Variants in SFXN5 observed in about 807,000 individuals in gnomAD.
SFXN5 encodes sideroflexin-5.
A neutral mutation model predicts 50.2 loss-of-function variants in SFXN5; 43 were observed. That is an observed-to-expected ratio of 0.86 (90% CI 0.67 to 1.11). SFXN5 has a LOEUF of 1.11. Among genes scored for constraint, SFXN5 ranks in the 50% least tolerant of loss-of-function variants. The probability of loss-of-function intolerance (pLI) is 0.00; values close to 1 mark genes in which losing one functional copy is unlikely to be tolerated. For synonymous variants in SFXN5, 203 were observed against 185.8 expected (o/e 1.09, Z -0.75); for missense variants, 463 against 454.1 (o/e 1.02, Z -0.18).
At chr2:72,963,947 C>T (rs1674068156) in intron 12 of SFXN5, among the ~76,000 whole-genome samples, 1 of 152,176 alleles carries the variant, frequency 6.6e-6, no homozygotes, top group Admixed American at 6.5e-5. Flanking sequence ...GGACTGCACC[C>T]CCCAGAGGCA....
chr2:72,998,577 G>C (rs530396783), intron 9 of SFXN5: 1 of 223,008 alleles, frequency 4.5e-6, no homozygotes, highest in Non-Finnish European at 8.8e-6. Flanking sequence ...CACATGGGCA[G>C]GCCTTGCAGA....
intron 1 of SFXN5, among the ~76,000 whole-genome samples, chr2:73,065,083 C>G (rs1249450198): frequency 6.6e-6 from 1 of 151,414 alleles, no homozygotes; most frequent in Non-Finnish European, 1.5e-5. Flanking sequence ...CACCACACCT[C>G]GCCAGAAGTT....
chr2:72,984,413 C>T (rs921628513), intron 10 of SFXN5, among the ~76,000 whole-genome samples: 4 of 152,260 alleles, frequency 2.6e-5, no homozygotes, highest in African/African-American at 7.2e-5. Flanking sequence ...GGGAGGACAC[C>T]GCGTAGCCTT....
chr2:72,979,495 A>C (rs1559114209), intron 10 of SFXN5, among the ~76,000 whole-genome samples: 1 of 151,934 alleles, frequency 6.6e-6, no homozygotes, highest in Non-Finnish European at 1.5e-5. Flanking sequence ...TTAGCCAGGC[A>C]TGGTGGCATG....
At chr2:73,007,791 C>T in intron 6 of SFXN5, among the ~76,000 whole-genome samples, 1 of 152,186 alleles carries the variant, frequency 6.6e-6, no homozygotes, top group Admixed American at 6.5e-5. Context: ...TCTACTGTGT[C>T]TCCATCTTCT....
intron 2 of SFXN5, among the ~76,000 whole-genome samples, chr2:73,052,682 A>G (rs994878146): frequency 5.9e-5 from 9 of 152,150 alleles, no homozygotes; most frequent in African/African-American, 2.2e-4. Flanking sequence ...AGGATAGCAA[A>G]TGCCTTCCAT....
chr2:72,967,035 T>G (rs1031575184), intron 12 of SFXN5, among the ~76,000 whole-genome samples: 1 of 152,206 alleles, frequency 6.6e-6, no homozygotes, highest in Admixed American at 6.5e-5. Context: ...TTGAAGAGAC[T>G]AAGCTTTGCA....
chr2:72,961,215 G>C lies in SFXN5; in HGVS notation c.861C>G (p.Leu287=), dbSNP rs754485181. Reference sequence around the variant, plus strand: ...GGCACACGAGGCTTTGCACAGGGAGGAGCAGCCGGGGGCGTGCCTGCAGGA... The same window carrying C: ...GGCACACGAGGCTTTGCACAGGGAGCAGCAGCCGGGGGCGTGCCTGCAGGA... The part of the protein sequence containing the change: ...TALLQARPRL[L]LPVQSLVCLA... The change falls in exon 13 of 14, where the codon CTC becomes CTG. Residue 287 remains leucine (L), a synonymous_variant. Transcript: ENST00000272433. The surrounding 1 kb of genome is among the most constrained non-coding windows in gnomAD (Gnocchi z 4.4). 1 of 1,545,500 alleles carries C rather than the reference G, an allele frequency of 6.5e-7. No homozygotes were observed. Among genetic ancestry groups the C allele is most frequent in the Non-Finnish European group, 8.7e-7 (1 of 1,152,518 alleles).
chr2:72,966,029 A>G (rs1415073257), intron 12 of SFXN5, among the ~76,000 whole-genome samples: 1 of 152,182 alleles, frequency 6.6e-6, no homozygotes, highest in Non-Finnish European at 1.5e-5. Flanking sequence ...GCAACACTTT[A>G]GCACAGTAAG....
chr2:73,034,298 G>C (rs1394471417), intron 3 of SFXN5, among the ~76,000 whole-genome samples: 1 of 152,252 alleles, frequency 6.6e-6, no homozygotes, highest in Non-Finnish European at 1.5e-5. Flanking sequence ...CTAGGAGTCA[G>C]GGTAAGACTA....
intron 3 of SFXN5, among the ~76,000 whole-genome samples, chr2:73,038,385 T>A (rs1310859869): frequency 6.6e-6 from 1 of 152,156 alleles, no homozygotes; most frequent in Non-Finnish European, 1.5e-5. Context: ...CTGTGGTGAG[T>A]CACTGAGTGT....
intron 2 of SFXN5, among the ~76,000 whole-genome samples, chr2:73,057,590 A>G (rs1308495420): frequency 2.6e-5 from 4 of 152,180 alleles, no homozygotes; most frequent in African/African-American, 7.2e-5. Flanking sequence ...AATTGATTAT[A>G]AAGAGGTATG....
intron 2 of SFXN5, chr2:73,049,627 TC>T (rs1412024429): frequency 2.6e-5 from 4 of 152,176 alleles, no homozygotes; most frequent in Non-Finnish European, 5.9e-5. Flanking sequence ...CTCTTAAAGA[TC>T]CCACCTCTTA....
intron 13 of SFXN5, chr2:72,957,050 G>A: frequency 2.2e-6 from 1 of 456,624 alleles, no homozygotes; most frequent in African/African-American, 2.0e-5. Context: ...CTCCATCTGG[G>A]TTCTCCCTGT....
Position 73,040,859 on chromosome 2 carries a change from C to G in SFXN5, c.244G>C (p.Glu82Gln). 6.2e-7 allele frequency: 1 copy of G among 1,611,744 alleles called. No homozygotes were observed. Among genetic ancestry groups the G allele is most frequent in the South Asian group, 1.1e-5 (1 of 90,378 alleles). The change falls in exon 3 of 14, where the codon GAA becomes CAA. Residue 82 changes from glutamate (E) to glutamine (Q), a missense_variant. Glu to Gln is a conservative substitution (Grantham distance 29). Coordinates refer to ENST00000272433, the MANE Select transcript of SFXN5 (RefSeq NM_144579.3). Reference sequence around the variant, plus strand: ...CCCACCTCCCACAGAGTTACCTGTTCATTGGTGACCCCCGGGCGCAGGGTC... The same window carrying G: ...CCCACCTCCCACAGAGTTACCTGTTGATTGGTGACCCCCGGGCGCAGGGTC... ...HGTLRPGVTN[E>Q]QLWSAQKIKQ... is the part of the protein sequence containing the mutation.
chr2:72,951,548 C>T (rs114074007), intron 13 of SFXN5, among the ~76,000 whole-genome samples: 2,764 of 152,254 alleles, frequency 0.018, 47 homozygotes, highest in Non-Finnish European at 0.025. Flanking sequence ...TGCAGCCAGG[C>T]CAGCAGATAG....
Position 72,945,251 on chromosome 2 carries a change from G to A in SFXN5, c.946-152C>T, listed in dbSNP as rs572550175. On this transcript the variant is annotated intron_variant, in intron 13 of 13. Transcript: ENST00000272433. The surrounding 1 kb of genome is among the most constrained non-coding windows in gnomAD (Gnocchi z 5.8). The stretch of plus-strand genomic sequence containing the variant: ...CCAGGGCTCACATGCCCTACCTAGT[G>A]ACACATCTTCCTTCTCCACCGCCCT... The A allele has an allele frequency of 3.8e-4, 262 of 693,940 alleles. 1 individual carries two copies. In the African/African-American group the frequency reaches 4.1e-3, roughly 11 times the overall value. 43.0% of individuals were successfully genotyped at this position (693,940 alleles called of 1,614,324 possible). A position where few individuals can be genotyped will look rare whatever the true frequency, so the allele number is the denominator to read the frequency against.
chr2:72,984,017 C>T (rs141223398), intron 10 of SFXN5, among the ~76,000 whole-genome samples: 2 of 152,224 alleles, frequency 1.3e-5, no homozygotes, highest in East Asian at 1.9e-4. Flanking sequence ...ACGGAGGGCC[C>T]GCTCCGAGCT....
intron 12 of SFXN5, among the ~76,000 whole-genome samples, chr2:72,967,010 G>C (rs1674493871): frequency 6.6e-6 from 1 of 152,180 alleles, no homozygotes; most frequent in Non-Finnish European, 1.5e-5. Flanking sequence ...ATATGCAAGA[G>C]GCAGCCAGTG....
Sources: gnomAD v4.1 joint callset for allele counts (sites outside exome capture counted in the v4.1 genomes callset) on GRCh38, gnomAD v4.1.1 for gene constraint, Gnocchi (gnomAD v3.1) non-coding constraint, MANE v1.5 for transcripts, NCBI Gene and HGNC (gene_info 2026-07-23, HGNC 2026-07-21) for gene names.